RNF214: variants seen among roughly 807,000 people sequenced by gnomAD.
RNF214 encodes the protein ring finger protein 214.
RNF214 carries 25 observed loss-of-function variants against 75.9 expected under a neutral mutation model. The observed-to-expected ratio is 0.33, with a 90% confidence interval of 0.24 to 0.46. The LOEUF is 0.46. RNF214 is among the 20% of genes least tolerant of loss of function. The pLI, the probability that RNF214 is intolerant of heterozygous loss-of-function variation, is 1.00. For missense variants in RNF214, 725 were observed against 857.5 expected (o/e 0.85, Z 1.93); for synonymous variants, 314 against 308.8 (o/e 1.02, Z -0.18).
intron 6 of RNF214, among the ~76,000 whole-genome samples, chr11:117,257,535 G>A (rs964537620): frequency 6.6e-6 from 1 of 152,230 alleles, no homozygotes; most frequent in Non-Finnish European, 1.5e-5. Context: ...TAGGTCATTG[G>A]AAATGAGAGA....
chr11:117,281,223 C>G (rs1233590529), intron 8 of RNF214, 91 bp from the exon 9 acceptor site: 6 of 841,796 alleles, frequency 7.1e-6, no homozygotes, highest in Admixed American at 5.7e-5. Context: ...ATCTGCCCGC[C>G]TTGGCCTCTT....
intron 6 of RNF214, among the ~76,000 whole-genome samples, chr11:117,272,609 ATTT>A (rs544986485): frequency 9.4e-4 from 138 of 147,284 alleles, no homozygotes; most frequent in African/African-American, 3.3e-3. Context: ...TAAAATTAAA[ATTT>A]TTTTTTTTTT....
At chr11:117,275,473 AAC>A (rs2033997952) in intron 6 of RNF214, among the ~76,000 whole-genome samples, 2 of 152,224 alleles carry the variant, frequency 1.3e-5, no homozygotes, top group African/African-American at 4.8e-5. Flanking sequence ...GTTTCTTTGA[AAC>A]GATAAGCAAA....
intron 1 of RNF214, among the ~76,000 whole-genome samples, chr11:117,233,398 C>T (rs2032788907): frequency 6.6e-6 from 1 of 152,198 alleles, no homozygotes; most frequent in Non-Finnish European, 1.5e-5. Flanking sequence ...ATCTACCTAT[C>T]TGCCCTATGC....
chr11:117,283,109 C>A lies in RNF214; in HGVS notation c.1951-6C>A. 1 of 1,610,186 alleles carries A rather than the reference C, an allele frequency of 6.2e-7. No individual in the cohort carries two copies. The highest frequency in any genetic ancestry group is 8.5e-7 in the Non-Finnish European group (1 of 1,176,580). ...ACCTTTTGATCATGCCGCCTCTGTT[C>A]TACAGGCTCCAGCCACCTGTAAGCT... On this transcript the variant is annotated splice_region_variant and splice_polypyrimidine_tract_variant and intron_variant, in intron 13 of 14. Coordinates refer to ENST00000300650, the MANE Select transcript of RNF214 (RefSeq NM_207343.4).
rs765944819 is a variant in RNF214, at chr11:117,282,828, C to T, written c.1928C>T (p.Ser643Leu). 1 of 1,613,874 alleles carries T rather than the reference C, an allele frequency of 6.2e-7. No individual in the cohort carries two copies. Among genetic ancestry groups the T allele is most frequent in the South Asian group, 1.1e-5 (1 of 91,082 alleles). Reference sequence around the variant, plus strand: ...ATGTTCTTGCCTTCTGCCCAAGTTTCATATCCTGGAAGGTCTTCACATGTA... The same window carrying T: ...ATGTTCTTGCCTTCTGCCCAAGTTTTATATCCTGGAAGGTCTTCACATGTA... ...TPMFLPSAQV[S>L]YPGRSSHAPA... is the part of the protein sequence containing the mutation. The change falls in exon 13 of 15, where the codon TCA (serine) becomes TTA (leucine). Residue 643 changes from serine (S) to leucine (L), a missense_variant. This residue lies in a region of RNF214 where 363 missense variants were observed against 513.0 expected (regional missense o/e 0.71). Transcript: ENST00000300650.
chr11:117,233,422 C>G (rs1259821197), intron 1 of RNF214, among the ~76,000 whole-genome samples: 1 of 152,120 alleles, frequency 6.6e-6, no homozygotes, highest in East Asian at 1.9e-4. Context: ...CTTCAGTGTT[C>G]CGGGGGGGAA....
intron 5 of RNF214, among the ~76,000 whole-genome samples, chr11:117,245,313 T>C (rs868358084): frequency 6.7e-6 from 1 of 149,482 alleles, no homozygotes; most frequent in African/African-American, 2.4e-5. Flanking sequence ...AACGATACCC[T>C]GTCTCAAAAA....
In RNF214 at chr11:117,281,265, C is replaced by G. The variant is rs750429512; in HGVS notation, c.1146-49C>G. 10 of 1,356,756 alleles carry G rather than the reference C, an allele frequency of 7.4e-6. No homozygotes were observed. In the South Asian group the frequency reaches 1.2e-4, roughly 16 times the overall value. 84.0% of individuals were successfully genotyped at this position (1,356,756 alleles called of 1,614,324 possible). Reference sequence around the variant, plus strand: ...GGATTACAGGCGTGAGTCACTGTTCCTAGCAGGGCTTTCTTTAAATCTGTA... The same window carrying G: ...GGATTACAGGCGTGAGTCACTGTTCGTAGCAGGGCTTTCTTTAAATCTGTA... On this transcript the variant is annotated intron_variant, in intron 8 of 14. Transcript: ENST00000300650.
intron 6 of RNF214, among the ~76,000 whole-genome samples, chr11:117,260,414 C>T (rs1370771746): frequency 6.6e-6 from 1 of 152,216 alleles, no homozygotes; most frequent in Non-Finnish European, 1.5e-5. Flanking sequence ...TTGCTTGGCA[C>T]TTTTGCCAAA....
At chr11:117,258,117 C>T (rs1303493990) in intron 6 of RNF214, among the ~76,000 whole-genome samples, 14 of 151,170 alleles carry the variant, frequency 9.3e-5, no homozygotes, top group African/African-American at 2.2e-4. Flanking sequence ...GACAGAGTCT[C>T]GCTCTGTCGC....
At chr11:117,278,785 G>A (rs911210872) in intron 6 of RNF214, among the ~76,000 whole-genome samples, 1 of 152,196 alleles carries the variant, frequency 6.6e-6, no homozygotes, top group Admixed American at 6.5e-5. Flanking sequence ...GTGATTTGCT[G>A]CATTAAGGAT....
chr11:117,268,833 C>G (rs1230425524), intron 6 of RNF214, among the ~76,000 whole-genome samples: 2 of 152,050 alleles, frequency 1.3e-5, no homozygotes, highest in Admixed American at 1.3e-4. Context: ...GAAGAGCGCT[C>G]TTTTTCTTCT....
chr11:117,262,330 G>T (rs1271156233), intron 6 of RNF214, among the ~76,000 whole-genome samples: 1 of 152,036 alleles, frequency 6.6e-6, no homozygotes, highest in Non-Finnish European at 1.5e-5. Context: ...TTGGTGATCT[G>T]CCTGCCTCGG....
At chr11:117,247,336 TAA>T (rs982323894) in intron 6 of RNF214, among the ~76,000 whole-genome samples, 1 of 151,174 alleles carries the variant, frequency 6.6e-6, no homozygotes, top group Non-Finnish European at 1.5e-5. Context: ...CAAAAAATAT[TAA>T]AAAAAAATTA....
chr11:117,237,522 G>T (rs537023084), intron 2 of RNF214, among the ~76,000 whole-genome samples: 37 of 152,172 alleles, frequency 2.4e-4, no homozygotes, highest in Non-Finnish European at 4.3e-4. Flanking sequence ...TGGGGTCAAA[G>T]AAATTAAACA....
At position 117,285,144 on chromosome 11, in the gene RNF214, T is replaced by G. The variant is rs2134428648; in HGVS notation, c.2105T>G (p.Leu702Arg). The G allele has an allele frequency of 6.2e-7, 1 of 1,609,712 alleles. No individual in the cohort carries two copies. Among genetic ancestry groups the G allele is most frequent in the East Asian group, 2.2e-5 (1 of 44,854 alleles). The change falls in exon 15 of 15, where the codon CTT becomes CGT. Residue 702 changes from leucine (L) to arginine (R), a missense_variant. Physicochemically the swap from Leu to Arg is moderately radical, Grantham distance 102. Around this residue, in one of 2 missense-constraint regions of RNF214, gnomAD observed 363 missense variants for 513.0 expected, o/e 0.71. Coordinates refer to ENST00000300650, the MANE Select transcript of RNF214 (RefSeq NM_207343.4). ...GACACTTGTCCCTTTTGTCCAACTC[T>G]TAAATGACGGACCTGACTGGGGAGG... is the stretch of plus-strand genomic sequence containing the variant. Reference protein sequence around the residue: ...TNDTCPFCPTLK With the variant: ...TNDTCPFCPTRK
intron 2 of RNF214, among the ~76,000 whole-genome samples, chr11:117,236,646 G>A (rs950813191): frequency 2.0e-5 from 3 of 152,172 alleles, no homozygotes; most frequent in Admixed American, 6.5e-5. Context: ...TCCATACGTG[G>A]TAACACATTT....
At chr11:117,246,116 C>T (rs1435075135) in intron 5 of RNF214, among the ~76,000 whole-genome samples, 1 of 152,010 alleles carries the variant, frequency 6.6e-6, no homozygotes, top group Non-Finnish European at 1.5e-5. Context: ...AGGCATGTGC[C>T]ACCACACCTG....
Sources: allele counts gnomAD v4.1 joint callset (sites outside exome capture counted in the v4.1 genomes callset), GRCh38; gene constraint gnomAD v4.1.1; regional missense constraint gnomAD v4.1.1; transcripts MANE v1.5; gene names NCBI Gene and HGNC (gene_info 2026-07-23, HGNC 2026-07-21).